NCAM2: variants seen among roughly 807,000 people sequenced by gnomAD.
The protein encoded by NCAM2 is N-CAM-2.
In NCAM2, 30 loss-of-function variants were observed where a neutral mutation model predicts 98.1. That is an observed-to-expected ratio of 0.31 (90% CI 0.23 to 0.41). The LOEUF (loss-of-function observed/expected upper bound fraction) is 0.41. Ranked by LOEUF, NCAM2 falls within the 10% of genes least tolerant of loss-of-function variation. The pLI, the probability that NCAM2 is intolerant of heterozygous loss-of-function variation, is 1.00. For missense variants in NCAM2, 867 were observed against 1,005.8 expected, an observed-to-expected ratio of 0.86 and a Z score of 1.87; for synonymous variants, 368 against 342.4, an observed-to-expected ratio of 1.07 and a Z score of -0.83.
At chr21:21,431,896 C>T (rs552588436) in intron 11 of NCAM2, among the ~76,000 whole-genome samples, 6 of 152,106 alleles carry the variant, frequency 3.9e-5, no homozygotes, top group Non-Finnish European at 8.8e-5. Flanking sequence ...ATTTTACTGT[C>T]TATTTTCTGA....
Position 21,374,018 on chromosome 21 carries a change from G to T in NCAM2, c.1195+5G>T. 6.3e-7 allele frequency: 1 copy of T among 1,594,466 alleles called. No homozygotes were observed. The highest frequency in any genetic ancestry group is 8.5e-7 in the Non-Finnish European group (1 of 1,172,848). On this transcript the variant is annotated splice_donor_5th_base_variant and intron_variant, in intron 9 of 17. Transcript: ENST00000400546. ...GCATGTACCTTGATATTGAATGTAA[G>T]TTACTTTCCTTTGTATTTTCATTAA...
chr21:21,283,748 A>G (rs2073005159), intron 2 of NCAM2, among the ~76,000 whole-genome samples: 1 of 151,914 alleles, frequency 6.6e-6, no homozygotes, highest in Non-Finnish European at 1.5e-5. Context: ...ACATTTTCAG[A>G]GATTTAAGTG....
chr21:21,362,397 T>C (rs976258932), intron 8 of NCAM2, among the ~76,000 whole-genome samples: 1 of 152,032 alleles, frequency 6.6e-6, no homozygotes, highest in Non-Finnish European at 1.5e-5. Flanking sequence ...TTCTACTTTT[T>C]TTTTTTTTTA....
intron 1 of NCAM2, among the ~76,000 whole-genome samples, chr21:21,182,650 T>G (rs188384428): frequency 7.9e-5 from 12 of 152,312 alleles, no homozygotes; most frequent in African/African-American, 2.6e-4. Flanking sequence ...AAATTTATAT[T>G]AGCTATCTTC....
intron 9 of NCAM2, among the ~76,000 whole-genome samples, chr21:21,394,795 A>G (rs1446613979): frequency 6.6e-6 from 1 of 152,114 alleles, no homozygotes; most frequent in Non-Finnish European, 1.5e-5. Context: ...GGTCTAAGAA[A>G]GACAATCTAT....
intron 1 of NCAM2, among the ~76,000 whole-genome samples, chr21:21,140,568 C>A (rs541358654): frequency 6.6e-6 from 1 of 152,210 alleles, no homozygotes; most frequent in South Asian, 2.1e-4. Context: ...ATTGCCATTT[C>A]TCCAGTCTAA....
At chr21:21,162,460 T>A (rs1428683496) in intron 1 of NCAM2, among the ~76,000 whole-genome samples, 1 of 152,146 alleles carries the variant, frequency 6.6e-6, no homozygotes, top group Admixed American at 6.5e-5. Context: ...CTTAAAACTT[T>A]GTTTAAATAC....
At chr21:21,470,505 G>A (rs1455791431) in intron 14 of NCAM2, among the ~76,000 whole-genome samples, 2 of 151,902 alleles carry the variant, frequency 1.3e-5, no homozygotes, top group African/African-American at 2.4e-5. Flanking sequence ...TAGTTGATAC[G>A]GCTTACTGAT....
Position 21,268,263 on chromosome 21 carries a change from C to G in NCAM2, c.56-12315C>G, listed in dbSNP as rs563221955. On this transcript the variant is annotated intron_variant, in intron 1 of 17. Coordinates refer to ENST00000400546, the MANE Select transcript of NCAM2 (RefSeq NM_004540.5). ...GCACCTCAAGGTCAGTCACTTATCT[C>G]TCACGGAGGAATTTCTCACAGCAAG... Among the ~76,000 whole-genome samples, 4 of 152,270 alleles carry G rather than the reference C, an allele frequency of 2.6e-5. No homozygotes were observed. The East Asian group carries it at 7.7e-4, about 29-fold the overall frequency.
chr21:21,324,364 G>A lies in NCAM2; in HGVS notation c.620-19G>A. 1 of 1,586,978 alleles carries A rather than the reference G, an allele frequency of 6.3e-7. No homozygotes were observed. Among genetic ancestry groups the A allele is most frequent in the South Asian group, 1.1e-5 (1 of 90,244 alleles). On this transcript the variant is annotated intron_variant, in intron 5 of 17. Coordinates refer to ENST00000400546, the MANE Select transcript of NCAM2 (RefSeq NM_004540.5). Reference sequence around the variant, plus strand: ...AGGTGTTTTCGTCTCTATTTATTCTGTATTCATCTCTCCTTCAGTGCCGCC... The same window carrying A: ...AGGTGTTTTCGTCTCTATTTATTCTATATTCATCTCTCCTTCAGTGCCGCC...
intron 5 of NCAM2, among the ~76,000 whole-genome samples, chr21:21,296,096 A>G (rs1484789008): frequency 3.3e-5 from 5 of 151,856 alleles, no homozygotes; most frequent in African/African-American, 7.2e-5. Flanking sequence ...TTTACACTAT[A>G]TTGTGCTTGG....
chr21:21,537,989 C>T lies in NCAM2; in HGVS notation c.*32C>T, dbSNP rs766737328. ...TATTACAGGGGCTTGAACAACACTACGAAGAGTATTTGGATTGCGTGACCC... is the reference window on the plus strand; with the variant it reads ...TATTACAGGGGCTTGAACAACACTATGAAGAGTATTTGGATTGCGTGACCC... On this transcript the variant is annotated 3_prime_UTR_variant, in exon 18 of 18. Transcript: ENST00000400546. The T allele has an allele frequency of 1.7e-5, 22 of 1,285,192 alleles. No homozygotes were observed. In the Middle Eastern group the frequency reaches 3.5e-3, roughly 202 times the overall value. The allele number at this position is 1,285,192 out of a possible 1,614,324, so 79.6% of individuals were successfully genotyped here.
At chr21:21,476,171 T>C (rs548931674) in intron 14 of NCAM2, among the ~76,000 whole-genome samples, 31 of 152,258 alleles carry the variant, frequency 2.0e-4, no homozygotes, top group African/African-American at 7.0e-4. Flanking sequence ...TTAAAAGACA[T>C]GTCTGCATCT....
chr21:21,520,159 T>TATTA (rs571930644), intron 16 of NCAM2, among the ~76,000 whole-genome samples: 136 of 152,248 alleles, frequency 8.9e-4, no homozygotes, highest in African/African-American at 3.2e-3. Flanking sequence ...TAAAAATATT[T>TATTA]ATTAAACATC....
intron 2 of NCAM2, 42 bp from the exon 3 acceptor site, chr21:21,284,152 T>A (rs779907975): frequency 4.0e-6 from 6 of 1,488,652 alleles, no homozygotes; most frequent in Non-Finnish European, 5.6e-6. Context: ...AACAAATATT[T>A]TTAACAATTT....
At chr21:21,326,793 T>C (rs2074523390) in intron 6 of NCAM2, among the ~76,000 whole-genome samples, 1 of 152,110 alleles carries the variant, frequency 6.6e-6, no homozygotes, top group Non-Finnish European at 1.5e-5. Flanking sequence ...ATAAAATATA[T>C]ACTGGGAGGA....
intron 16 of NCAM2, among the ~76,000 whole-genome samples, chr21:21,532,048 G>A (rs1429212660): frequency 6.6e-6 from 1 of 151,756 alleles, no homozygotes; most frequent in Non-Finnish European, 1.5e-5. Flanking sequence ...GATTCGACAT[G>A]TAAATTATGT....
chr21:21,304,031 A>C (rs919643975), intron 5 of NCAM2, among the ~76,000 whole-genome samples: 4 of 152,144 alleles, frequency 2.6e-5, no homozygotes, highest in African/African-American at 4.8e-5. Context: ...CAAATATGTG[A>C]TTTAGAAATA....
At chr21:21,373,194 G>A (rs905579344) in intron 8 of NCAM2, among the ~76,000 whole-genome samples, 1 of 151,742 alleles carries the variant, frequency 6.6e-6, no homozygotes, top group African/African-American at 2.4e-5. Context: ...TTTACGTGAA[G>A]TACCATAAAT....
Sources: allele counts gnomAD v4.1 joint callset (sites outside exome capture counted in the v4.1 genomes callset), GRCh38; gene constraint gnomAD v4.1.1; transcripts MANE v1.5; gene names NCBI Gene and HGNC (gene_info 2026-07-23, HGNC 2026-07-21).